Variants in TEAD1 observed in about 807,000 individuals in gnomAD.
The protein encoded by TEAD1 is transcriptional enhancer factor TEF-1.
A neutral mutation model predicts 54.9 loss-of-function variants in TEAD1; 9 were observed. The ratio of observed to expected loss-of-function variants is 0.16; its 90% CI spans 0.10 to 0.29. The LOEUF is 0.29. Ranked by LOEUF, TEAD1 falls within the 10% of genes least tolerant of loss-of-function variation. TEAD1 has a pLI of 1.00. For synonymous variants in TEAD1, 200 were observed against 187.8 expected, an observed-to-expected ratio of 1.07 and a Z score of -0.53; for missense variants, 387 against 535.9, an observed-to-expected ratio of 0.72 and a Z score of 2.74.
intron 3 of TEAD1, among the ~76,000 whole-genome samples, chr11:12,850,135 C>T (rs868416155): frequency 6.6e-6 from 1 of 152,170 alleles, no homozygotes; most frequent in Admixed American, 6.5e-5. Flanking sequence ...AGTGACATTA[C>T]ATTACAGTTA....
At position 12,938,475 on chromosome 11, in the gene TEAD1, C is replaced by G. The variant is rs1400467998; in HGVS notation, c.*1253C>G. 1.3e-5 allele frequency: 2 copies of G among 152,272 alleles called. No individual in the cohort carries two copies. The highest frequency in any genetic ancestry group is 4.8e-5 in the African/African-American group (2 of 41,434). The allele number at this position is 152,272 out of a possible 1,614,324, so 9.4% of individuals were successfully genotyped here. A position where few individuals can be genotyped will look rare whatever the true frequency, so the allele number is the denominator to read the frequency against. On this transcript the variant is annotated 3_prime_UTR_variant, in exon 13 of 13. Transcript: ENST00000527636. The stretch of plus-strand genomic sequence containing the variant: ...ATATAGAGTTAACACATTTAGTGAA[C>G]ACTTGTTTAGTGTCACTCAGTTTGC...
intron 3 of TEAD1, among the ~76,000 whole-genome samples, chr11:12,854,987 G>C (rs555916713): frequency 9.8e-5 from 15 of 152,294 alleles, no homozygotes; most frequent in Non-Finnish European, 1.3e-4. Context: ...TGACTGGCCA[G>C]CTTCCGTAGG....
chr11:12,788,935 A>G (rs562426815), intron 3 of TEAD1, among the ~76,000 whole-genome samples: 9 of 152,302 alleles, frequency 5.9e-5, no homozygotes, highest in African/African-American at 2.2e-4. Flanking sequence ...TGGGGTTTAG[A>G]GATGGGGCCT....
intron 3 of TEAD1, among the ~76,000 whole-genome samples, chr11:12,774,699 T>C (rs1227496954): frequency 6.6e-6 from 1 of 152,160 alleles, no homozygotes; most frequent in East Asian, 1.9e-4. Flanking sequence ...CTCTCAGCAA[T>C]GTTGAGAGAA....
chr11:12,912,440 G>A (rs1948633327), intron 10 of TEAD1, among the ~76,000 whole-genome samples: 2 of 152,136 alleles, frequency 1.3e-5, no homozygotes, highest in Admixed American at 1.3e-4. Flanking sequence ...AATTTGGTCA[G>A]TGCAAGGGGA....
At chr11:12,885,062 C>T (rs1948058919) in intron 9 of TEAD1, among the ~76,000 whole-genome samples, 1 of 152,026 alleles carries the variant, frequency 6.6e-6, no homozygotes, top group Admixed American at 6.5e-5. Context: ...TTCTGTTTTC[C>T]CCATGATAGG....
intron 3 of TEAD1, among the ~76,000 whole-genome samples, chr11:12,776,318 G>A (rs372046730): frequency 1.4e-3 from 206 of 152,284 alleles, no homozygotes; most frequent in Admixed American, 2.9e-3. Context: ...AATGTGCATA[G>A]GCTCACACCG....
intron 2 of TEAD1, among the ~76,000 whole-genome samples, chr11:12,718,577 C>T (rs1348126190): frequency 1.3e-5 from 2 of 151,718 alleles, no homozygotes; most frequent in Middle Eastern, 3.4e-3. Context: ...TTCGATGTAC[C>T]GTTGCTTTTT....
At chr11:12,846,892 T>A (rs1400097936) in intron 3 of TEAD1, among the ~76,000 whole-genome samples, 1 of 152,216 alleles carries the variant, frequency 6.6e-6, no homozygotes, top group Non-Finnish European at 1.5e-5. Flanking sequence ...CCACATGTCC[T>A]CTTTCATTGC....
At chr11:12,733,279 G>A (rs1410727556) in intron 2 of TEAD1, among the ~76,000 whole-genome samples, 1 of 152,190 alleles carries the variant, frequency 6.6e-6, no homozygotes, top group Admixed American at 6.5e-5. Flanking sequence ...GAACTTTGCA[G>A]CATTTCCTAA....
rs2134183191 is a variant in TEAD1 at position 12,942,742 on chromosome 11, T to C, written c.*5520T>C. The C allele has an allele frequency of 6.6e-6, 1 of 152,242 alleles. No individual in the cohort carries two copies. Among genetic ancestry groups the C allele is most frequent in the African/African-American group, 2.4e-5 (1 of 41,536 alleles). 9.4% of individuals were successfully genotyped at this position (152,242 alleles called of 1,614,324 possible). ...CAAAACAAAAGTGAGTTAGGGTCGT[T>C]AAAATTGAAGTGTTCTTCTTAGGGC... On this transcript the variant is annotated 3_prime_UTR_variant, in exon 13 of 13. Coordinates refer to ENST00000527636, the MANE Select transcript of TEAD1 (RefSeq NM_021961.6).
At chr11:12,929,261 G>C (rs191157100) in intron 11 of TEAD1, among the ~76,000 whole-genome samples, 1 of 150,912 alleles carries the variant, frequency 6.6e-6, no homozygotes, top group East Asian at 2.0e-4. Flanking sequence ...CTGTAATTGT[G>C]GTTTTGCCAC....
chr11:12,878,938 GC>G, intron 5 of TEAD1: 1 of 1,277,236 alleles, frequency 7.8e-7, no homozygotes, highest in South Asian at 1.3e-5. Context: ...CTGTATTTTA[GC>G]TGTGCTTGGC....
chr11:12,833,153 A>G (rs1161556336), intron 3 of TEAD1, among the ~76,000 whole-genome samples: 2 of 152,244 alleles, frequency 1.3e-5, no homozygotes, highest in East Asian at 1.9e-4. Context: ...TGTCCATGCA[A>G]TAATTGACCA....
rs1949185236 is a variant in TEAD1, at chr11:12,944,061, A to G, written c.*6839A>G. ...CCACGTGTGTTTGTTCACATTCTAA[A>G]TGACTTAATGGGATTCTCACGGTCT... On this transcript the variant is annotated 3_prime_UTR_variant, in exon 13 of 13. Coordinates refer to ENST00000527636, the MANE Select transcript of TEAD1 (RefSeq NM_021961.6). The G allele has an allele frequency of 6.6e-6, 1 of 152,618 alleles. No individual in the cohort carries two copies. Among genetic ancestry groups the G allele is most frequent in the African/African-American group, 2.4e-5 (1 of 41,434 alleles). The allele number at this position is 152,618 out of a possible 1,614,324, so 9.5% of individuals were successfully genotyped here. A position where few individuals can be genotyped will look rare whatever the true frequency, so the allele number is the denominator to read the frequency against.
At chr11:12,776,302 T>G (rs1474747636) in intron 3 of TEAD1, among the ~76,000 whole-genome samples, 1 of 152,186 alleles carries the variant, frequency 6.6e-6, no homozygotes, top group East Asian at 1.9e-4. Flanking sequence ...CCACATCCAT[T>G]CCTTGAATGT....
At position 12,858,826 on chromosome 11, in the gene TEAD1, A is replaced by G. The variant is rs540037227; in HGVS notation, c.203-3424A>G. Among the ~76,000 whole-genome samples the G allele has an allele frequency of 2.6e-5, 4 of 152,342 alleles. No individual in the cohort carries two copies. The South Asian group carries it at 8.3e-4, about 32-fold the overall frequency. On this transcript the variant is annotated intron_variant, in intron 3 of 12. Coordinates refer to ENST00000527636, the MANE Select transcript of TEAD1 (RefSeq NM_021961.6). ...AACAACAGGATACGTTCTGAGAAAT[A>G]CGTCATCAGGTGATTTTAGTCATTG...
At position 12,783,495 on chromosome 11, in the gene TEAD1, A is replaced by G. The variant is rs116392312; in HGVS notation, c.202+19061A>G. Among the ~76,000 whole-genome samples the G allele has an allele frequency of 9.7e-3, 1,475 of 152,214 alleles. 23 individuals are homozygous for G. The highest frequency in any genetic ancestry group is 0.033 in the African/African-American group (1,363 of 41,526). On this transcript the variant is annotated intron_variant, in intron 3 of 12. Coordinates refer to ENST00000527636, the MANE Select transcript of TEAD1 (RefSeq NM_021961.6). ...ATGCATTTATTTGTGAACACCTCTCACAGTGTTTTTTTCAAGGATATACCT... is the reference window on the plus strand; with the variant it reads ...ATGCATTTATTTGTGAACACCTCTCGCAGTGTTTTTTTCAAGGATATACCT...
intron 2 of TEAD1, among the ~76,000 whole-genome samples, chr11:12,707,380 A>G (rs1257968817): frequency 6.6e-6 from 1 of 152,190 alleles, no homozygotes; most frequent in Non-Finnish European, 1.5e-5. Flanking sequence ...GCTATCTGCA[A>G]GCCATTTTAA....
Sources: gnomAD v4.1 joint callset for allele counts (sites outside exome capture counted in the v4.1 genomes callset) on GRCh38, gnomAD v4.1.1 for gene constraint, MANE v1.5 for transcripts, NCBI Gene and HGNC (gene_info 2026-07-23, HGNC 2026-07-21) for gene names.